Variants in NAALADL2 observed in about 807,000 individuals in gnomAD.
The protein encoded by NAALADL2 is inactive N-acetylated-alpha-linked acidic dipeptidase-like protein 2.
Under a neutral mutation model 87.2 loss-of-function variants are expected in NAALADL2, and 76 were observed. That is an observed-to-expected ratio of 0.87 (90% CI 0.72 to 1.05). The LOEUF (loss-of-function observed/expected upper bound fraction) is 1.05, where lower values mean the gene tolerates loss of function less well. Among genes scored for constraint, NAALADL2 ranks in the 50% least tolerant of loss-of-function variants. The pLI, the probability that NAALADL2 is intolerant of heterozygous loss-of-function variation, is 0.00. For missense variants in NAALADL2, 1,089 were observed against 945.8 expected, an observed-to-expected ratio of 1.15 and a Z score of -1.99; for synonymous variants, 354 against 331.0, an observed-to-expected ratio of 1.07 and a Z score of -0.75.
chr3:174,899,335 C>T (rs1056343196), intron 1 of NAALADL2, among the ~76,000 whole-genome samples: 1 of 152,094 alleles, frequency 6.6e-6, no homozygotes, highest in African/African-American at 2.4e-5. Context: ...TTTGGCCCCA[C>T]CCAAATCTCA....
intron 2 of NAALADL2, among the ~76,000 whole-genome samples, chr3:175,115,707 G>A (rs1286338286): frequency 6.6e-6 from 1 of 151,566 alleles, no homozygotes; most frequent in South Asian, 2.1e-4. Context: ...TGCTTGGATA[G>A]GATATTTCCT....
intron 2 of NAALADL2, among the ~76,000 whole-genome samples, chr3:174,587,955 A>G (rs568244370): frequency 6.4e-4 from 97 of 152,158 alleles, no homozygotes; most frequent in African/African-American, 2.0e-3. Flanking sequence ...CTCCTGGATA[A>G]TATCCTGAGT....
intron 11 of NAALADL2, chr3:175,718,263 A>C: frequency 1.1e-6 from 1 of 893,536 alleles, no homozygotes; most frequent in Non-Finnish European, 1.6e-6. Context: ...CGACTGAGGG[A>C]GTTTCATATT....
chr3:175,657,757 A>AT (rs1731681976), intron 11 of NAALADL2, among the ~76,000 whole-genome samples: 1 of 151,394 alleles, frequency 6.6e-6, no homozygotes, highest in Non-Finnish European at 1.5e-5. Flanking sequence ...ATTTTTTTGT[A>AT]TTTTTAGTAG....
intron 1 of NAALADL2, among the ~76,000 whole-genome samples, chr3:174,916,111 A>T (rs1734349396): frequency 1.3e-5 from 2 of 152,086 alleles, no homozygotes; most frequent in South Asian, 2.1e-4. Context: ...CAACAAACAT[A>T]AAAAAATGCT....
chr3:175,100,856 A>AAAAAAAC (rs1560027199), intron 2 of NAALADL2, among the ~76,000 whole-genome samples: 6 of 151,434 alleles, frequency 4.0e-5, no homozygotes, highest in African/African-American at 1.5e-4. Context: ...AAAAAAAAAA[A>AAAAAAAC]AAAAATTGCA....
chr3:175,673,515 A>G (rs774894417), intron 11 of NAALADL2, among the ~76,000 whole-genome samples: 3 of 151,858 alleles, frequency 2.0e-5, no homozygotes, highest in Non-Finnish European at 2.9e-5. Context: ...AACTGGCTTT[A>G]AATATTAAAA....
intron 5 of NAALADL2, among the ~76,000 whole-genome samples, chr3:175,429,280 T>A (rs1667160340): frequency 6.6e-6 from 1 of 151,748 alleles, no homozygotes; most frequent in South Asian, 2.1e-4. Flanking sequence ...AGATACGCCC[T>A]GGGGAGAGCA....
chr3:174,949,393 G>T (rs975961513), intron 1 of NAALADL2, among the ~76,000 whole-genome samples: 1 of 152,240 alleles, frequency 6.6e-6, no homozygotes, highest in East Asian at 1.9e-4. Flanking sequence ...GTTCCAAGGG[G>T]TGGGGAGGGT....
At chr3:175,111,949 C>T (rs1724262740) in intron 2 of NAALADL2, among the ~76,000 whole-genome samples, 1 of 151,578 alleles carries the variant, frequency 6.6e-6, no homozygotes, top group Non-Finnish European at 1.5e-5. Context: ...TTACATCCAG[C>T]TAATGTAGTG....
At chr3:175,622,529 T>G (rs1335329041) in intron 10 of NAALADL2, among the ~76,000 whole-genome samples, 1 of 152,050 alleles carries the variant, frequency 6.6e-6, no homozygotes, top group Non-Finnish European at 1.5e-5. Context: ...TCTGAGTACT[T>G]GACATGCAGG....
At chr3:175,711,831 G>GT (rs200872845) in intron 11 of NAALADL2, among the ~76,000 whole-genome samples, 1,788 of 139,296 alleles carry the variant, frequency 0.013, 24 homozygotes, top group African/African-American at 0.05. Flanking sequence ...AAAGCTTTCA[G>GT]TTTTTAAAAA....
chr3:175,620,677 A>G (rs1035115701), intron 10 of NAALADL2, among the ~76,000 whole-genome samples: 1 of 152,132 alleles, frequency 6.6e-6, no homozygotes, highest in Non-Finnish European at 1.5e-5. Flanking sequence ...AGCTCAGCGA[A>G]CAGGGGCATG....
chr3:175,100,054 A>G (rs1721863377), intron 2 of NAALADL2, among the ~76,000 whole-genome samples: 2 of 151,290 alleles, frequency 1.3e-5, no homozygotes, highest in Non-Finnish European at 2.9e-5. Context: ...TTTAAGTTAT[A>G]TAATTATATT....
intron 5 of NAALADL2, among the ~76,000 whole-genome samples, chr3:175,358,790 G>C (rs1243525724): frequency 6.6e-6 from 1 of 151,864 alleles, no homozygotes; most frequent in Non-Finnish European, 1.5e-5. Context: ...ATCTTTAAAA[G>C]ATAAATGAAG....
intron 1 of NAALADL2, among the ~76,000 whole-genome samples, chr3:174,977,004 T>C (rs1744441867): frequency 6.6e-6 from 1 of 152,198 alleles, no homozygotes; most frequent in Middle Eastern, 3.2e-3. Flanking sequence ...TTAATAATTA[T>C]ATTCTGGAGA....
chr3:175,706,639 T>C (rs926613881), intron 11 of NAALADL2, among the ~76,000 whole-genome samples: 1 of 152,104 alleles, frequency 6.6e-6, no homozygotes, highest in African/African-American at 2.4e-5. Context: ...TCTCCCAGAA[T>C]CCCAAATAGC....
intron 1 of NAALADL2, among the ~76,000 whole-genome samples, chr3:174,987,568 C>CAAAAAAAAAAAAA (rs1159602995): frequency 4.8e-4 from 10 of 20,848 alleles, no homozygotes; most frequent in East Asian, 1.0e-3. Flanking sequence ...GACTCCGTCT[C>CAAAAAAAAAAAAA]AAAAAAAAAA....
chr3:175,510,354 C>T (rs1464089252), intron 9 of NAALADL2, among the ~76,000 whole-genome samples: 1 of 152,012 alleles, frequency 6.6e-6, no homozygotes, highest in Admixed American at 6.6e-5. Context: ...GGAGACACAG[C>T]CAAATCATAT....
Sources: allele counts gnomAD v4.1 joint callset (sites outside exome capture counted in the v4.1 genomes callset), GRCh38; gene constraint gnomAD v4.1.1; transcripts MANE v1.5; gene names NCBI Gene and HGNC (gene_info 2026-07-23, HGNC 2026-07-21).